The following COL7A1 variants were observed in gnomAD, a reference collection of about 807,000 sequenced individuals.
The protein encoded by COL7A1 is collagen alpha-1(VII) chain.
A neutral mutation model predicts 456.2 loss-of-function variants in COL7A1; 296 were observed. That is an observed-to-expected ratio of 0.65 (90% CI 0.59 to 0.71). COL7A1 has a LOEUF of 0.71. Ranked by LOEUF, COL7A1 falls within the 30% of genes least tolerant of loss-of-function variation. The pLI is 0.00. For synonymous variants in COL7A1, 1,464 were observed against 1,525.9 expected, an observed-to-expected ratio of 0.96 and a Z score of 0.95; for missense variants, 3,441 against 4,017.2, an observed-to-expected ratio of 0.86 and a Z score of 3.88.
In COL7A1 at chr3:48,566,878, G is replaced by A. The variant is rs1194375694; in HGVS notation, c.8226+29C>T. 3 of 1,579,634 alleles carry A rather than the reference G, an allele frequency of 1.9e-6. No individual in the cohort carries two copies. In the East Asian group the frequency reaches 6.8e-5, roughly 36 times the overall value. On this transcript the variant is annotated intron_variant, in intron 111 of 118. Coordinates refer to ENST00000681320, the MANE Select transcript of COL7A1 (RefSeq NM_000094.4). The surrounding 1 kb of genome is among the most constrained non-coding windows in gnomAD (Gnocchi z 5.9). Reference sequence around the variant, plus strand: ...GTTGGAAGGGTAGGGAAGGTTCAGGGATCAGGAGTCAGAGCTGGGGCCCCT... The same window carrying A: ...GTTGGAAGGGTAGGGAAGGTTCAGGAATCAGGAGTCAGAGCTGGGGCCCCT...
rs778098950 is a variant in COL7A1, at chr3:48,583,950, G to A, written c.4228C>T (p.Pro1410Ser). The A allele has an allele frequency of 2.2e-5, 35 of 1,613,902 alleles. No individual in the cohort carries two copies. Among genetic ancestry groups the A allele is most frequent in the Non-Finnish European group, 3.0e-5 (35 of 1,180,008 alleles). The change falls in exon 39 of 119, where the codon CCC becomes TCC. Residue 1410 changes from proline to serine, a missense_variant. Physicochemically the swap from Pro to Ser is moderately conservative, Grantham distance 74. Coordinates refer to ENST00000681320, the MANE Select transcript of COL7A1 (RefSeq NM_000094.4). This position sits in a 1 kb window ranked among gnomAD's most constrained non-coding sequence, Gnocchi z 5.1. ...GDKGDRGERG[P>S]PGPGEGGIAP... ...ATGCCACCTTCACCTGGTCCAGGGG[G>A]ACCCTGGGAGAGAACAGCAGGTCAG...
Position 48,588,991 on chromosome 3 carries a change from A to G in COL7A1, c.2319T>C (p.Pro773=), listed in dbSNP as rs947119289. ...GCCTCGACACACGACCCACAGGCTC[A>G]GGGGCTGGGGACAGAGGCAAGGTAA... ...PPASVVVRTA[P]EPVGRVSRLQ... is the part of the protein sequence containing the mutation. Residue 773 remains proline (P), a synonymous_variant, in exon 19 of 119, where the codon CCT becomes CCC. Transcript: ENST00000681320. The surrounding 1 kb of genome is among the most constrained non-coding windows in gnomAD (Gnocchi z 4.6). 3 of 1,613,398 alleles carry G rather than the reference A, an allele frequency of 1.9e-6. No individual in the cohort carries two copies. Among genetic ancestry groups the G allele is most frequent in the Admixed American group, 1.7e-5 (1 of 60,028 alleles).
rs1262742554 is a variant in COL7A1 at position 48,572,645 on chromosome 3, G to A, written c.6900+26C>T. The stretch of plus-strand genomic sequence containing the variant: ...GGTGAGGCAGAGGAGTTGCTGCAGG[G>A]GGTGGAAGTCAGGGTCAAAGATCAC... On this transcript the variant is annotated intron_variant, in intron 88 of 118. Coordinates refer to ENST00000681320, the MANE Select transcript of COL7A1 (RefSeq NM_000094.4). This position sits in a 1 kb window ranked among gnomAD's most constrained non-coding sequence, Gnocchi z 4.6. 1 of 1,603,724 alleles carries A rather than the reference G, an allele frequency of 6.2e-7. No individual in the cohort carries two copies. Among genetic ancestry groups the A allele is most frequent in the East Asian group, 2.3e-5 (1 of 44,336 alleles).
chr3:48,595,164 G>T lies in COL7A1; in HGVS notation c.-1-4C>A, dbSNP rs1225386051. The T allele has an allele frequency of 2.6e-6, 4 of 1,550,836 alleles. No homozygotes were observed. The African/African-American group carries it at 5.5e-5, about 21-fold the overall frequency. On this transcript the variant is annotated splice_region_variant and splice_polypyrimidine_tract_variant and intron_variant, in intron 1 of 118. Coordinates refer to ENST00000681320, the MANE Select transcript of COL7A1 (RefSeq NM_000094.4). ...CACCAGAAGCCGCAGCGTCATCCTAGGCAGTAAAAGCCGTCAGCTAGGACC... is the reference window on the plus strand; with the variant it reads ...CACCAGAAGCCGCAGCGTCATCCTATGCAGTAAAAGCCGTCAGCTAGGACC...
rs763925786 is a variant in COL7A1 at position 48,576,764 on chromosome 3, T to A, written c.5612A>T (p.Asp1871Val). Residue 1871 changes from aspartate (D) to valine (V), a missense_variant, in exon 68 of 119, where the codon GAT becomes GTT. Around this residue, in one of 3 missense-constraint regions of COL7A1, gnomAD observed 2,084 missense variants for 2,501.3 expected, o/e 0.83. Coordinates refer to ENST00000681320, the MANE Select transcript of COL7A1 (RefSeq NM_000094.4). ...DSGASGREGR[D>V]GPKGERGAPG... ...AGCTCCACGCTCACCCTTGGGGCCA[T>A]CACGACCCTGTGAAGGATGCAGCCA... 1.1e-5 allele frequency: 18 copies of A among 1,613,288 alleles called. No homozygotes were observed. The highest frequency in any genetic ancestry group is 9.3e-5 in the African/African-American group (7 of 74,880).
At position 48,588,100 on chromosome 3, in the gene COL7A1, A is replaced by G. The variant is rs1408051835; in HGVS notation, c.2711-161T>C. 1.3e-5 allele frequency among the ~76,000 whole-genome samples: 2 copies of G among 151,918 alleles called. No homozygotes were observed. Among genetic ancestry groups the G allele is most frequent in the African/African-American group, 4.8e-5 (2 of 41,328 alleles). On this transcript the variant is annotated intron_variant, in intron 21 of 118. Coordinates refer to ENST00000681320, the MANE Select transcript of COL7A1 (RefSeq NM_000094.4). The surrounding 1 kb of genome is among the most constrained non-coding windows in gnomAD (Gnocchi z 4.6). ...CTGCCCACTTTACGGACCCTGCCAG[A>G]CTGACCCTCCATGAACTCATTGATC... is the stretch of plus-strand genomic sequence containing the variant.
rs755301783 is a variant in COL7A1, at chr3:48,591,601, G to A, written c.1508-9C>T. ...CACAGGCAGCTCTGGTCCTGTTGGAGAGCACAGCATAGAGGCAGCCTGGGG... is the reference window on the plus strand; with the variant it reads ...CACAGGCAGCTCTGGTCCTGTTGGAAAGCACAGCATAGAGGCAGCCTGGGG... On this transcript the variant is annotated splice_polypyrimidine_tract_variant and intron_variant, in intron 12 of 118. Transcript: ENST00000681320. This position sits in a 1 kb window ranked among gnomAD's most constrained non-coding sequence, Gnocchi z 7.0. The A allele has an allele frequency of 6.2e-6, 10 of 1,613,460 alleles. No individual in the cohort carries two copies. The East Asian group carries it at 1.1e-4, about 18-fold the overall frequency.
chr3:48,584,954 G>A lies in COL7A1; in HGVS notation c.3976-9C>T, dbSNP rs1175491620. Reference sequence around the variant, plus strand: ...GGCAACCCTGGAGAGCCCTGCAAATGGAGGCCAGAGGCAGAACAGTCGGAG... The same window carrying A: ...GGCAACCCTGGAGAGCCCTGCAAATAGAGGCCAGAGGCAGAACAGTCGGAG... On this transcript the variant is annotated splice_polypyrimidine_tract_variant and intron_variant, in intron 33 of 118. Transcript: ENST00000681320. 1 of 1,613,838 alleles carries A rather than the reference G, an allele frequency of 6.2e-7. No homozygotes were observed. Among genetic ancestry groups the A allele is most frequent in the South Asian group, 1.1e-5 (1 of 91,088 alleles).
Position 48,570,871 on chromosome 3 carries a change from C to G in COL7A1, c.7262G>C (p.Ser2421Thr). The G allele has an allele frequency of 6.2e-7, 1 of 1,612,078 alleles. No individual in the cohort carries two copies. Among genetic ancestry groups the G allele is most frequent in the Non-Finnish European group, 8.5e-7 (1 of 1,179,366 alleles). ...PRGEMGQPGP[S>T]GERGLAGPPG... ...TTCCCAGCCCCTCACCCGCTCTCCA[C>G]TAGGGCCTGGCTGACCCATCTCTCC... is the stretch of plus-strand genomic sequence containing the variant. The change falls in exon 95 of 119, where the codon AGT becomes ACT. Residue 2421 changes from serine to threonine, a missense_variant. This residue lies in a region of COL7A1 where 2,084 missense variants were observed against 2,501.3 expected (regional missense o/e 0.83). Coordinates refer to ENST00000681320, the MANE Select transcript of COL7A1 (RefSeq NM_000094.4). This position sits in a 1 kb window ranked among gnomAD's most constrained non-coding sequence, Gnocchi z 5.5.
In COL7A1 at chr3:48,575,070, G is replaced by A. The variant is rs374325775; in HGVS notation, c.6273C>T (p.Gly2091=). Residue 2091 remains glycine, a synonymous_variant, in exon 76 of 119, where the codon GGC becomes GGT. Transcript: ENST00000681320. This position sits in a 1 kb window ranked among gnomAD's most constrained non-coding sequence, Gnocchi z 6.3. ...GCAGGGATGGGGTGATCACCTTGGG[G>A]CCAGGGGGTCCGGGGGGCCCAGGGG... ...PGTPGPPGPP[G]PKVSVDEPGP... The A allele has an allele frequency of 7.7e-5, 124 of 1,612,910 alleles. No homozygotes were observed. The highest frequency in any genetic ancestry group is 1.0e-4 in the Non-Finnish European group (123 of 1,179,256).
rs867173460 is a variant in COL7A1, at chr3:48,575,877, G to A, written c.5846C>T (p.Ala1949Val). 6.2e-7 allele frequency: 1 copy of A among 1,614,040 alleles called. No homozygotes were observed. Residue 1949 changes from alanine to valine, a missense_variant, in exon 72 of 119, where the codon GCT becomes GTT. Around this residue, in one of 3 missense-constraint regions of COL7A1, gnomAD observed 2,084 missense variants for 2,501.3 expected, o/e 0.83. Coordinates refer to ENST00000681320, the MANE Select transcript of COL7A1 (RefSeq NM_000094.4). This position sits in a 1 kb window ranked among gnomAD's most constrained non-coding sequence, Gnocchi z 6.3. The stretch of plus-strand genomic sequence containing the variant: ...CCCTAAACAACCCACCTTGATGCCA[G>A]CAGTTTCCAGCAACCGATCCACATT... The part of the protein sequence containing the change: ...VPNVDRLLET[A>V]GIKASALREI...
intron 44 of COL7A1, 69 bp from the exon 45 acceptor site, chr3:48,582,722 G>A: frequency 6.5e-7 from 1 of 1,540,726 alleles, no homozygotes; most frequent in South Asian, 1.1e-5. Flanking sequence ...CAGGGCTAGA[G>A]GCTGGGGTGG....
intron 2 of COL7A1, 52 bp downstream of exon 2, chr3:48,595,023 G>T: frequency 7.0e-7 from 1 of 1,419,748 alleles, no homozygotes. Flanking sequence ...GAGTGGAGCG[G>T]AGGGTGGCAC....
chr3:48,576,302 G>A lies in COL7A1; in HGVS notation c.5773-6C>T. The A allele has an allele frequency of 6.2e-7, 1 of 1,613,906 alleles. No homozygotes were observed. Among genetic ancestry groups the A allele is most frequent in the Non-Finnish European group, 8.5e-7 (1 of 1,180,020 alleles). On this transcript the variant is annotated splice_region_variant and splice_polypyrimidine_tract_variant and intron_variant, in intron 70 of 118. Transcript: ENST00000681320. ...CCACGCTCTCCAGGGAGGCCCTGGA[G>A]AGATGAAGACAAACTGCTAGGAACC...
At position 48,595,308 on chromosome 3, in the gene COL7A1, T is replaced by C; in HGVS notation, c.-42A>G. On this transcript the variant is annotated 5_prime_UTR_variant, in exon 1 of 119. Transcript: ENST00000681320. ...CTCCCGCCGCCGCCGCTGCAGTCTC[T>C]CGGGCAGAGCAGAGAAAAGTCCCTG... 1.4e-6 allele frequency: 1 copy of C among 695,138 alleles called. No individual in the cohort carries two copies. The highest frequency in any genetic ancestry group is 2.6e-6 in the Non-Finnish European group (1 of 391,192). 43.1% of individuals were successfully genotyped at this position (695,138 alleles called of 1,614,324 possible).
chr3:48,584,943 G>C lies in COL7A1; in HGVS notation c.3978C>G (p.Gly1326=), dbSNP rs756905816. Residue 1326 remains glycine, a splice_region_variant and synonymous_variant, in exon 34 of 119, where the codon GGC becomes GGG. Coordinates refer to ENST00000681320, the MANE Select transcript of COL7A1 (RefSeq NM_000094.4). The part of the protein sequence containing the change: ...PGTPGAPGLK[G]SPGLPGPRGD... ...CACGAGGGCCAGGCAACCCTGGAGAGCCCTGCAAATGGAGGCCAGAGGCAG... is the reference window on the plus strand; with the variant it reads ...CACGAGGGCCAGGCAACCCTGGAGACCCCTGCAAATGGAGGCCAGAGGCAG... The C allele has an allele frequency of 6.8e-6, 11 of 1,613,944 alleles. No individual in the cohort carries two copies. Among genetic ancestry groups the C allele is most frequent in the Non-Finnish European group, 9.3e-6 (11 of 1,180,016 alleles).
At position 48,581,848 on chromosome 3, in the gene COL7A1, A is replaced by C; in HGVS notation, c.4668+63T>G. On this transcript the variant is annotated intron_variant, in intron 48 of 118. Transcript: ENST00000681320. The surrounding 1 kb of genome is among the most constrained non-coding windows in gnomAD (Gnocchi z 5.8). The stretch of plus-strand genomic sequence containing the variant: ...TCCTGTGACCCCCCAAGTCCCATAG[A>C]TAGGCCCTATGACCTAGACCTCAAC... The C allele has an allele frequency of 1.2e-6, 2 of 1,613,254 alleles. No homozygotes were observed. The highest frequency in any genetic ancestry group is 4.5e-5 in the East Asian group (2 of 44,862).
chr3:48,571,866 G>C lies in COL7A1; in HGVS notation c.7068+135C>G. The C allele has an allele frequency of 9.2e-7, 1 of 1,087,736 alleles. No individual in the cohort carries two copies. Among genetic ancestry groups the C allele is most frequent in the Middle Eastern group, 2.9e-4 (1 of 3,434 alleles). The allele number at this position is 1,087,736 out of a possible 1,614,324, so 67.4% of individuals were successfully genotyped here. ...AGTGTGTGGCTCCCTGTGATCCAGAGAGCAGGCTCCTGGATGTTGGGACAT... is the reference window on the plus strand; with the variant it reads ...AGTGTGTGGCTCCCTGTGATCCAGACAGCAGGCTCCTGGATGTTGGGACAT... On this transcript the variant is annotated intron_variant, in intron 92 of 118. Coordinates refer to ENST00000681320, the MANE Select transcript of COL7A1 (RefSeq NM_000094.4). This position sits in a 1 kb window ranked among gnomAD's most constrained non-coding sequence, Gnocchi z 4.6.
At position 48,569,423 on chromosome 3, in the gene COL7A1, C is replaced by T. The variant is rs2107641722; in HGVS notation, c.7638G>A (p.Leu2546=). 1.9e-6 allele frequency: 3 copies of T among 1,614,146 alleles called. No individual in the cohort carries two copies. In the East Asian group the frequency reaches 6.7e-5, roughly 36 times the overall value. Residue 2546 remains leucine (L), a synonymous_variant, in exon 103 of 119, where the codon TTG becomes TTA. Transcript: ENST00000681320. The surrounding 1 kb of genome is among the most constrained non-coding windows in gnomAD (Gnocchi z 4.9). ...CTCCCCGAGGTCCTTTGTCACCATC[C>T]AAGCCCCGAGGCCCTCGTTCACCCT... The part of the protein sequence containing the change: ...GDMGERGPRG[L]DGDKGPRGDN...
Sources: allele counts gnomAD v4.1 joint callset (sites outside exome capture counted in the v4.1 genomes callset), GRCh38; gene constraint gnomAD v4.1.1; regional missense constraint gnomAD v4.1.1; non-coding constraint Gnocchi (gnomAD v3.1); transcripts MANE v1.5; gene names NCBI Gene and HGNC (gene_info 2026-07-23, HGNC 2026-07-21).